TRAK1: variants seen among roughly 807,000 people sequenced by gnomAD.
TRAK1 encodes the protein trafficking kinesin-binding protein 1.
Under a neutral mutation model 92.1 loss-of-function variants are expected in TRAK1, and 33 were observed. The observed-to-expected ratio is 0.36, with a 90% CI of 0.27 to 0.48. The LOEUF is 0.48. Among genes scored for constraint, TRAK1 ranks in the 20% least tolerant of loss-of-function variants. The pLI is 0.99. For missense variants in TRAK1, 1,123 were observed against 1,257.9 expected, an observed-to-expected ratio of 0.89 and a Z score of 1.62; for synonymous variants, 521 against 517.3, an observed-to-expected ratio of 1.01 and a Z score of -0.10.
chr3:42,201,819 T>G (rs1470575711), intron 12 of TRAK1, among the ~76,000 whole-genome samples: 2 of 149,618 alleles, frequency 1.3e-5, no homozygotes, highest in Non-Finnish European at 3.0e-5. Flanking sequence ...TCAGGAATGG[T>G]CAGTTCCTCT....
At chr3:42,110,278 A>T (rs985649901) in intron 1 of TRAK1, among the ~76,000 whole-genome samples, 3 of 151,622 alleles carry the variant, frequency 2.0e-5, no homozygotes, top group Non-Finnish European at 2.9e-5. Flanking sequence ...AGCCACACAA[A>T]CAATAGAGGG....
At chr3:42,052,396 G>C (rs1221184105) in intron 1 of TRAK1, among the ~76,000 whole-genome samples, 1 of 152,224 alleles carries the variant, frequency 6.6e-6, no homozygotes, top group Admixed American at 6.5e-5. Flanking sequence ...TGGTTTAGAT[G>C]ATCTTGTAGA....
intron 15 of TRAK1, 90 bp from the exon 16 acceptor site, chr3:42,222,852 C>A (rs1483341840): frequency 2.1e-6 from 3 of 1,444,948 alleles, no homozygotes. Flanking sequence ...CCTGGGTCGT[C>A]CCTACCCCCC....
intron 2 of TRAK1, among the ~76,000 whole-genome samples, chr3:42,167,748 T>C (rs1458177327): frequency 2.0e-5 from 3 of 152,064 alleles, no homozygotes; most frequent in African/African-American, 7.2e-5. Flanking sequence ...GGCGTGGTGG[T>C]GGGCACCTGT....
chr3:42,042,214 A>C lies in TRAK1; in HGVS notation c.-519+28097A>C, dbSNP rs138360713. ...AGTGCTGGGATTACAGGCGTGAGCCATCGAGCTCGGCCTGTTTCTAGTTTG... is the reference window on the plus strand; with the variant it reads ...AGTGCTGGGATTACAGGCGTGAGCCCTCGAGCTCGGCCTGTTTCTAGTTTG... On this transcript the variant is annotated intron_variant, in intron 1 of 16. Transcript: ENST00000487159. Among the ~76,000 whole-genome samples the C allele has an allele frequency of 4.0e-4, 61 of 152,164 alleles. No homozygotes were observed. In the East Asian group the frequency reaches 0.01, roughly 26 times the overall value.
chr3:42,032,099 C>T (rs75925483), intron 1 of TRAK1, among the ~76,000 whole-genome samples: 11,231 of 152,122 alleles, frequency 0.074, 478 homozygotes, highest in Middle Eastern at 0.21. Context: ...GAGTGCTTAG[C>T]GGGTTTCCTT....
chr3:42,220,460 A>G lies in TRAK1; in HGVS notation c.2066+864A>G, dbSNP rs1399035459. ...TAAAGCAGAAGGGGTGGGAACAGTC[A>G]GCCAGGGAGCACCTTAAACTATGAA... On this transcript the variant is annotated intron_variant, in intron 15 of 15. Transcript: ENST00000327628. 3 of 984,768 alleles carry G rather than the reference A, an allele frequency of 3.0e-6. No homozygotes were observed. In the East Asian group the frequency reaches 3.4e-4, roughly 112 times the overall value. The allele number at this position is 984,768 out of a possible 1,614,324, so 61.0% of individuals were successfully genotyped here.
intron 1 of TRAK1, among the ~76,000 whole-genome samples, chr3:42,060,177 A>G (rs75612120): frequency 7.0e-4 from 107 of 152,338 alleles, no homozygotes; most frequent in African/African-American, 2.6e-3. Flanking sequence ...CATGGAGCTT[A>G]CATTCTATTT....
At chr3:42,213,833 T>G (rs1285463790) in intron 14 of TRAK1, among the ~76,000 whole-genome samples, 2 of 152,196 alleles carry the variant, frequency 1.3e-5, no homozygotes, top group Non-Finnish European at 2.9e-5. Context: ...TGAGTTCCCA[T>G]GCTGTTGGGA....
In TRAK1 at chr3:42,075,139, T is replaced by C. The variant is rs1704095325; in HGVS notation, c.-518-11965T>C. Among the ~76,000 whole-genome samples the C allele has an allele frequency of 2.0e-5, 3 of 152,004 alleles. No individual in the cohort carries two copies. The South Asian group carries it at 6.2e-4, about 32-fold the overall frequency. On this transcript the variant is annotated intron_variant, in intron 1 of 16. Coordinates refer to the TRAK1 transcript ENST00000487159. ...CTAGGTTGATTCCATGTCTTTGCTA[T>C]TGTTTATTATTATTTTAAAAATTTA...
chr3:42,178,961 G>A (rs34459833), intron 3 of TRAK1, among the ~76,000 whole-genome samples: 23,778 of 151,942 alleles, frequency 0.16, 2,082 homozygotes, highest in Non-Finnish European at 0.21. Context: ...GCACCAGAGC[G>A]AGACTCTGTC....
intron 1 of TRAK1, among the ~76,000 whole-genome samples, chr3:42,014,359 G>A (rs1000538201): frequency 3.3e-5 from 5 of 152,140 alleles, no homozygotes; most frequent in African/African-American, 1.2e-4. Context: ...CCGCGCTCCG[G>A]CACTCCGAGG....
intron 1 of TRAK1, among the ~76,000 whole-genome samples, chr3:42,074,000 C>T (rs541635868): frequency 1.2e-4 from 18 of 152,204 alleles, no homozygotes; most frequent in Admixed American, 3.9e-4. Flanking sequence ...GCCCCTGTTA[C>T]GACAAGAGGG....
chr3:42,206,209 G>A (rs775976066), intron 13 of TRAK1, among the ~76,000 whole-genome samples: 2 of 152,192 alleles, frequency 1.3e-5, no homozygotes, highest in Non-Finnish European at 2.9e-5. Context: ...GATGGTTTAG[G>A]CAGCAGCAGG....
upstream of TRAK1, chr3:42,013,801 C>CAGAGTGGGGCCGCGCGCGGG: frequency 1.3e-5 from 2 of 150,258 alleles, no homozygotes; most frequent in East Asian, 3.9e-4. This position sits in a 1 kb window ranked among gnomAD's most constrained non-coding sequence, Gnocchi z 5.1. Context: ...AGGCGTCCCC[C>CAGAGTGGGGCCGCGCGCGGG]AGAGTGGGGC....
At chr3:42,154,438 G>T (rs1700309257) in intron 2 of TRAK1, among the ~76,000 whole-genome samples, 1 of 152,000 alleles carries the variant, frequency 6.6e-6, no homozygotes, top group Non-Finnish European at 1.5e-5. Context: ...CTCCCAAAGT[G>T]CTGGGATTAC....
In TRAK1 at chr3:42,210,079, C is replaced by T. The variant is rs780404851; in HGVS notation, c.1963+94C>T. 43 of 1,586,998 alleles carry T rather than the reference C, an allele frequency of 2.7e-5. No individual in the cohort carries two copies. In the Admixed American group the frequency reaches 5.9e-4, roughly 22 times the overall value. ...CCAGAGGAGATGCAGGAGCCGCCAG[C>T]GGCCACGGAGGAGGAGGAGGAGGAG... On this transcript the variant is annotated intron_variant, in intron 14 of 15. Coordinates refer to ENST00000327628, the MANE Select transcript of TRAK1 (RefSeq NM_001042646.3).
At position 42,023,211 on chromosome 3, in the gene TRAK1, T is replaced by A. The variant is rs369587955; in HGVS notation, c.-519+9094T>A. On this transcript the variant is annotated intron_variant, in intron 1 of 16. Transcript: ENST00000487159. Reference sequence around the variant, plus strand: ...AAATAAATATTCCTGGGAGTTTGGCTATCTTTTAATGTAGTTTTTGTTCTT... The same window carrying A: ...AAATAAATATTCCTGGGAGTTTGGCAATCTTTTAATGTAGTTTTTGTTCTT... Among the ~76,000 whole-genome samples the A allele has an allele frequency of 7.4e-4, 112 of 151,074 alleles. No individual in the cohort carries two copies. In the Middle Eastern group the frequency reaches 0.01, roughly 14 times the overall value.
chr3:42,107,935 A>G (rs2149052574), intron 1 of TRAK1, among the ~76,000 whole-genome samples: 1 of 151,270 alleles, frequency 6.6e-6, no homozygotes, highest in African/African-American at 2.4e-5. Context: ...TCCATCCTTA[A>G]GGTCATGTCA....
Sources: gnomAD v4.1 joint callset for allele counts (sites outside exome capture counted in the v4.1 genomes callset) on GRCh38, gnomAD v4.1.1 for gene constraint, Gnocchi (gnomAD v3.1) non-coding constraint, MANE v1.5 for transcripts, NCBI Gene and HGNC (gene_info 2026-07-23, HGNC 2026-07-21) for gene names.